Variants in GRIP2 observed in about 807,000 individuals in gnomAD.
GRIP2 encodes glutamate receptor interacting protein 2.
A neutral mutation model predicts 108.3 loss-of-function variants in GRIP2; 58 were observed. The observed-to-expected ratio is 0.54, with a 90% CI of 0.43 to 0.67. The LOEUF is 0.67. Among genes scored for constraint, GRIP2 ranks in the 30% least tolerant of loss-of-function variants. GRIP2 has a pLI of 0.00. For missense variants in GRIP2, 1,278 were observed against 1,430.6 expected (o/e 0.89, Z 1.72); for synonymous variants, 586 against 598.2 (o/e 0.98, Z 0.30).
At chr3:14,581,920 G>T in the GRIP2 span, among the ~76,000 whole-genome samples, 6 of 152,202 alleles carry the variant, frequency 3.9e-5, no homozygotes, top group African/African-American at 1.4e-4. Flanking sequence ...TTTGGATGCT[G>T]GTGTTGGCAA....
In GRIP2 at chr3:14,494,927, CAGG is replaced by C. The variant is rs1170415852; in HGVS notation, c.2883_2885del (p.Leu962del). The C allele has an allele frequency of 1.9e-6, 3 of 1,613,970 alleles. No homozygotes were observed. The Admixed American group carries it at 5.0e-5, about 27-fold the overall frequency. On this transcript the variant is annotated inframe_deletion, in exon 23 of 24. Transcript: ENST00000621039. ...CAGTGTGGACATAGACACCTTTTTC[CAGG>C]AGGCCATCTGAGACGCTGAAACCAA...
At chr3:14,549,106 G>A (rs1350259669) in intron 1 of GRIP2, among the ~76,000 whole-genome samples, 3 of 152,212 alleles carry the variant, frequency 2.0e-5, no homozygotes, top group Admixed American at 6.5e-5. Context: ...CCAGGGCAGC[G>A]TTGTGCACAC....
upstream of GRIP2, among the ~76,000 whole-genome samples, chr3:14,545,079 C>T (rs1695036935): frequency 6.6e-6 from 1 of 152,222 alleles, no homozygotes; most frequent in Admixed American, 6.5e-5. Flanking sequence ...CAAGGAGGCT[C>T]CGACAGCCGC....
the GRIP2 span, among the ~76,000 whole-genome samples, chr3:14,589,455 G>A: frequency 2.0e-5 from 3 of 152,148 alleles, no homozygotes; most frequent in Non-Finnish European, 4.4e-5. Context: ...TTGGAGAAAG[G>A]TTCTTCAAGG....
At chr3:14,544,006 G>A (rs1014479447), upstream of GRIP2, among the ~76,000 whole-genome samples, 23 of 152,292 alleles carry the variant, frequency 1.5e-4, no homozygotes, top group African/African-American at 4.1e-4. Context: ...CCACTTGCCC[G>A]CCAAAAGTCT....
chr3:14,514,236 G>A, intron 12 of GRIP2, 56 bp downstream of exon 12: 1 of 1,409,228 alleles, frequency 7.1e-7, no homozygotes, highest in Non-Finnish European at 9.5e-7. Context: ...TTGGTGCTGT[G>A]ACTCAGTTTC....
chr3:14,601,083 C>T, the GRIP2 span, among the ~76,000 whole-genome samples: 3 of 151,958 alleles, frequency 2.0e-5, no homozygotes, highest in Admixed American at 1.3e-4. Flanking sequence ...CACACACACA[C>T]ACACACACGA....
chr3:14,568,320 C>G, the GRIP2 span, among the ~76,000 whole-genome samples: 1 of 152,156 alleles, frequency 6.6e-6, no homozygotes, highest in African/African-American at 2.4e-5. Flanking sequence ...GGACGTGGAC[C>G]AGGTCCGTAA....
intron 1 of GRIP2, among the ~76,000 whole-genome samples, chr3:14,527,374 A>AAAG (rs1183330264): frequency 1.5e-3 from 187 of 123,916 alleles, no homozygotes; most frequent in African/African-American, 4.7e-3. Flanking sequence ...ACTTGAAAGG[A>AAAG]AAGGAAAGGA....
At position 14,507,570 on chromosome 3, in the gene GRIP2, G is replaced by C. The variant is rs1320252787; in HGVS notation, c.2209C>G (p.Gln737Glu). 4 of 1,613,640 alleles carry C rather than the reference G, an allele frequency of 2.5e-6. No individual in the cohort carries two copies. The highest frequency in any genetic ancestry group is 3.4e-6 in the Non-Finnish European group (4 of 1,179,532). ...GETVTLKIKK[Q>E]LDRPLLPRKS... is the part of the protein sequence containing the mutation. ...ATGAAGCGAATCTCACGGTCTAGTT[G>C]CTTCTTGATCTTCAGTGTGACGGTC... is the stretch of plus-strand genomic sequence containing the variant. The change falls in exon 18 of 24, where the codon CAA (glutamine) becomes GAA (glutamate). Residue 737 changes from glutamine (Q) to glutamate (E), a missense_variant. Coordinates refer to ENST00000621039, the MANE Select transcript of GRIP2 (RefSeq NM_001080423.4). The surrounding 1 kb of genome is among the most constrained non-coding windows in gnomAD (Gnocchi z 4.6).
Position 14,507,795 on chromosome 3 carries a change from AG to A in GRIP2, c.2079-96del. 1 of 1,453,724 alleles carries A rather than the reference AG, an allele frequency of 6.9e-7. No homozygotes were observed. Among genetic ancestry groups the A allele is most frequent in the Non-Finnish European group, 9.5e-7 (1 of 1,056,332 alleles). The allele number at this position is 1,453,724 out of a possible 1,614,324, so 90.1% of individuals were successfully genotyped here. ...AGGGAATCCAGGAGAGCCACAAAGC[AG>A]AAGTCTGGCTGACCCCAGTTAAACC... On this transcript the variant is annotated intron_variant, in intron 17 of 23. Coordinates refer to ENST00000621039, the MANE Select transcript of GRIP2 (RefSeq NM_001080423.4). This position sits in a 1 kb window ranked among gnomAD's most constrained non-coding sequence, Gnocchi z 4.6.
intron 1 of GRIP2, among the ~76,000 whole-genome samples, chr3:14,554,863 G>A (rs970427381): frequency 1.3e-5 from 2 of 152,226 alleles, no homozygotes; most frequent in Non-Finnish European, 2.9e-5. Context: ...CCACTGTGAG[G>A]AATGAATGAG....
intron 1 of GRIP2, among the ~76,000 whole-genome samples, chr3:14,527,824 A>C (rs1694605504): frequency 6.6e-6 from 1 of 152,166 alleles, no homozygotes; most frequent in Non-Finnish European, 1.5e-5. Context: ...TGAACCCAGG[A>C]GGCGGAGGTT....
intron 21 of GRIP2, among the ~76,000 whole-genome samples, chr3:14,496,911 A>G (rs1294582457): frequency 6.6e-6 from 1 of 152,054 alleles, no homozygotes; most frequent in Non-Finnish European, 1.5e-5. Context: ...TTGTCTCCTT[A>G]GAGATATAAA....
At chr3:14,547,000 G>A (rs925067953), upstream of GRIP2, among the ~76,000 whole-genome samples, 1 of 152,174 alleles carries the variant, frequency 6.6e-6, no homozygotes, top group Non-Finnish European at 1.5e-5. Context: ...TCCCTAAGGG[G>A]CATGAACTCT....
chr3:14,575,965 G>A, the GRIP2 span, among the ~76,000 whole-genome samples: 1 of 152,248 alleles, frequency 6.6e-6, no homozygotes, highest in Non-Finnish European at 1.5e-5. Context: ...CACCACCTAA[G>A]GTGATGATTT....
the GRIP2 span, among the ~76,000 whole-genome samples, chr3:14,572,448 T>C: frequency 6.7e-6 from 1 of 149,692 alleles, no homozygotes; most frequent in Non-Finnish European, 1.5e-5. Context: ...CCGTCTCTAC[T>C]AAAAATACAA....
At chr3:14,565,796 T>C in the GRIP2 span, among the ~76,000 whole-genome samples, 8 of 152,274 alleles carry the variant, frequency 5.3e-5, no homozygotes, top group South Asian at 6.2e-4. Flanking sequence ...ACCTGGCCCA[T>C]AGAAAACTGG....
Position 14,533,621 on chromosome 3 carries a change from G to T in GRIP2, c.40+6648C>A, listed in dbSNP as rs889361486. Among the ~76,000 whole-genome samples the T allele has an allele frequency of 2.6e-5, 4 of 152,066 alleles. No homozygotes were observed. In the East Asian group the frequency reaches 7.7e-4, roughly 29 times the overall value. ...GGGTGCCCGATGTTGGCTGGCGAAG[G>T]GGGGGACCCATGCCCTGGGTCTCCG... On this transcript the variant is annotated intron_variant, in intron 1 of 23. Transcript: ENST00000621039.
Sources: gnomAD v4.1 joint callset for allele counts (sites outside exome capture counted in the v4.1 genomes callset) on GRCh38, gnomAD v4.1.1 for gene constraint, Gnocchi (gnomAD v3.1) non-coding constraint, MANE v1.5 for transcripts, NCBI Gene and HGNC (gene_info 2026-07-23, HGNC 2026-07-21) for gene names.